Variants in ARHGAP23 observed in about 807,000 individuals in gnomAD.
ARHGAP23 encodes the protein Rho GTPase activating protein 23.
In ARHGAP23, 34 loss-of-function variants were observed where a neutral mutation model predicts 136.3. The ratio of observed to expected loss-of-function variants is 0.25; its 90% CI spans 0.19 to 0.33. The LOEUF is 0.33. Ranked by LOEUF, ARHGAP23 falls within the 10% of genes least tolerant of loss-of-function variation. ARHGAP23 has a pLI of 1.00. For synonymous variants in ARHGAP23, 832 were observed against 920.5 expected (o/e 0.90, Z 1.74); for missense variants, 1,808 against 2,139.0 (o/e 0.85, Z 3.05).
rs577808573 is a variant in ARHGAP23 at position 38,469,187 on chromosome 17, C to T, written c.1692C>T (p.Val564=). The T allele has an allele frequency of 1.2e-4, 185 of 1,551,558 alleles. No individual in the cohort carries two copies. The highest frequency in any genetic ancestry group is 1.6e-4 in the African/African-American group (12 of 73,046). ...GCATTGACCTCCAAGCCAAGCACGT[C>T]CCTGCCTCTGCTGTGGTCTCCAGTG... The part of the protein sequence containing the change: ...SPSIDLQAKH[V]PASAVVSSAM... The change falls in exon 8 of 24, where the codon GTC becomes GTT. Residue 564 remains valine, a synonymous_variant. Transcript: ENST00000622683.
In ARHGAP23 at chr17:38,490,748, T is replaced by G. The variant is rs572801561; in HGVS notation, c.3150+197T>G. 2.8e-4 allele frequency among the ~76,000 whole-genome samples: 43 copies of G among 152,294 alleles called. 1 individual carries two copies. The highest frequency in any genetic ancestry group is 8.7e-4 in the African/African-American group (36 of 41,564). ...TCCCCCAGAGAGCCATCTCCTGAGTTTCTGAGGGCTTTCCAGAGGCAGGGA... is the reference window on the plus strand; with the variant it reads ...TCCCCCAGAGAGCCATCTCCTGAGTGTCTGAGGGCTTTCCAGAGGCAGGGA... On this transcript the variant is annotated intron_variant, in intron 19 of 23. Coordinates refer to ENST00000622683, the MANE Select transcript of ARHGAP23 (RefSeq NM_001199417.2).
intron 1 of ARHGAP23, among the ~76,000 whole-genome samples, chr17:38,429,708 C>CCG: frequency 6.6e-6 from 1 of 151,218 alleles, no homozygotes; most frequent in Middle Eastern, 3.4e-3. Flanking sequence ...TCAGGATGGA[C>CCG]GGGGGGTGGG....
rs1030887761 is a variant in ARHGAP23, at chr17:38,477,149, G to C, written c.2119-430G>C. ...GGAGTCTTGGGTGGGCGGCAGGAAAGTGGGGAGAACAACCCTCTAAGAGTG... is the reference window on the plus strand; with the variant it reads ...GGAGTCTTGGGTGGGCGGCAGGAAACTGGGGAGAACAACCCTCTAAGAGTG... On this transcript the variant is annotated intron_variant, in intron 11 of 23. Transcript: ENST00000622683. The surrounding 1 kb of genome is among the most constrained non-coding windows in gnomAD (Gnocchi z 6.6). 6.6e-6 allele frequency among the ~76,000 whole-genome samples: 1 copy of C among 152,086 alleles called. No homozygotes were observed. Among genetic ancestry groups the C allele is most frequent in the Non-Finnish European group, 1.5e-5 (1 of 68,012 alleles).
intron 1 of ARHGAP23, among the ~76,000 whole-genome samples, chr17:38,438,134 A>T (rs900090178): frequency 6.6e-6 from 1 of 152,184 alleles, no homozygotes; most frequent in East Asian, 1.9e-4. Flanking sequence ...CGTCCTGGCC[A>T]ACATGGTGAA....
rs1326600724 is a variant in ARHGAP23, at chr17:38,458,278, C to T, written c.225+15C>T. On this transcript the variant is annotated intron_variant, in intron 2 of 23. Transcript: ENST00000622683. ...GCAGCCTGAAGGTATGCCCGGCTCG[C>T]CGCTGCCCTGGTCTGGGGAAGCTTT... 1 of 1,500,606 alleles carries T rather than the reference C, an allele frequency of 6.7e-7. No homozygotes were observed. Among genetic ancestry groups the T allele is most frequent in the East Asian group, 2.5e-5 (1 of 40,316 alleles). The allele number at this position is 1,500,606 out of a possible 1,614,324, so 93.0% of individuals were successfully genotyped here.
At chr17:38,462,129 T>C (rs1185079154) in intron 3 of ARHGAP23, among the ~76,000 whole-genome samples, 1 of 150,736 alleles carries the variant, frequency 6.6e-6, no homozygotes, top group East Asian at 2.0e-4. Flanking sequence ...ATTTTTTTAT[T>C]TTTTAGTAGA....
At chr17:38,499,036 A>T in intron 22 of ARHGAP23, 1 of 698,526 alleles carries the variant, frequency 1.4e-6, no homozygotes, top group South Asian at 1.5e-5. Flanking sequence ...GGCAGGCAGA[A>T]TGTCCCGGAC....
At chr17:38,490,225 C>T (rs1207624474) in intron 18 of ARHGAP23, 50 bp downstream of exon 18, 2 of 1,518,934 alleles carry the variant, frequency 1.3e-6, no homozygotes, top group Non-Finnish European at 1.8e-6. Flanking sequence ...GCTGCCTGAG[C>T]ACCTCTGTCC....
chr17:38,432,923 T>A (rs1216810917), intron 1 of ARHGAP23, among the ~76,000 whole-genome samples: 1 of 152,198 alleles, frequency 6.6e-6, no homozygotes, highest in Non-Finnish European at 1.5e-5. Flanking sequence ...TGTGTGCCCT[T>A]GGACAAGTTA....
rs1227404275 is a variant in ARHGAP23 at position 38,466,966 on chromosome 17, G to A, written c.1283G>A (p.Arg428His). The A allele has an allele frequency of 1.7e-5, 26 of 1,550,480 alleles. No individual in the cohort carries two copies. The highest frequency in any genetic ancestry group is 4.9e-5 in the East Asian group (2 of 40,910). The change falls in exon 7 of 24, where the codon CGC (arginine) becomes CAC (histidine). Residue 428 changes from arginine to histidine, a missense_variant. Transcript: ENST00000622683. ...GYRSYSPSFQRRTGLLHALSF... is the reference protein window; with the variant it reads ...GYRSYSPSFQHRTGLLHALSF... Reference sequence around the variant, plus strand: ...CGGAGCTACAGCCCATCATTCCAGCGCCGGACCGGCCTCCTCCATGCGCTC... The same window carrying A: ...CGGAGCTACAGCCCATCATTCCAGCACCGGACCGGCCTCCTCCATGCGCTC...
chr17:38,498,614 C>T (rs536338590), intron 22 of ARHGAP23, 104 bp downstream of exon 22: 71 of 988,550 alleles, frequency 7.2e-5, no homozygotes, highest in Middle Eastern at 6.6e-4. Context: ...GCCACCCCAG[C>T]GGGGCCCTCC....
At chr17:38,497,509 A>G (rs1322268254) in intron 20 of ARHGAP23, among the ~76,000 whole-genome samples, 1 of 152,180 alleles carries the variant, frequency 6.6e-6, no homozygotes. Context: ...CCCTAAGCCT[A>G]TCTCCTGTCT....
rs2040725788 is a variant in ARHGAP23 at position 38,510,257 on chromosome 17, C to T, written c.3761C>T (p.Ser1254Phe). Residue 1254 changes from serine (S) to phenylalanine (F), a missense_variant, in exon 24 of 24, where the codon TCC becomes TTC. This residue lies in a region of ARHGAP23 where 506 missense variants were observed against 455.8 expected (regional missense o/e 1.11). Transcript: ENST00000622683. The surrounding 1 kb of genome is among the most constrained non-coding windows in gnomAD (Gnocchi z 4.6). ...ATTGTGTCGGGCTACTCCACCCTGTCCACCATGGACCGCAGCGTGTGCTCG... is the reference window on the plus strand; with the variant it reads ...ATTGTGTCGGGCTACTCCACCCTGTTCACCATGGACCGCAGCGTGTGCTCG... ...RSIVSGYSTLSTMDRSVCSGA... is the reference protein window; with the variant it reads ...RSIVSGYSTLFTMDRSVCSGA... 1 of 1,318,348 alleles carries T rather than the reference C, an allele frequency of 7.6e-7. No individual in the cohort carries two copies. Among genetic ancestry groups the T allele is most frequent in the Non-Finnish European group, 9.7e-7 (1 of 1,034,572 alleles). 81.7% of individuals were successfully genotyped at this position (1,318,348 alleles called of 1,614,324 possible). A position where few individuals can be genotyped will look rare whatever the true frequency, so the allele number is the denominator to read the frequency against.
chr17:38,447,640 C>G (rs1406314806), intron 1 of ARHGAP23, among the ~76,000 whole-genome samples: 1 of 152,048 alleles, frequency 6.6e-6, no homozygotes, highest in Admixed American at 6.6e-5. Context: ...TTTTGGGAGA[C>G]CCTAGACTGA....
At position 38,500,588 on chromosome 17, in the gene ARHGAP23, C is replaced by T. The variant is rs186403765; in HGVS notation, c.3416-9C>T. 2,401 of 1,548,490 alleles carry T rather than the reference C, an allele frequency of 1.6e-3. 3 individuals are homozygous for T. The highest frequency in any genetic ancestry group is 2.0e-3 in the Non-Finnish European group (2,237 of 1,146,174). On this transcript the variant is annotated splice_polypyrimidine_tract_variant and intron_variant, in intron 22 of 23. Transcript: ENST00000622683. Reference sequence around the variant, plus strand: ...AACTTTCATTTTTTTTTCTGTCTTTCACCAACAGATTCTACCACCTGTAGT... The same window carrying T: ...AACTTTCATTTTTTTTTCTGTCTTTTACCAACAGATTCTACCACCTGTAGT...
At chr17:38,502,066 T>G (rs1057288937) in intron 23 of ARHGAP23, among the ~76,000 whole-genome samples, 6 of 152,172 alleles carry the variant, frequency 3.9e-5, no homozygotes, top group African/African-American at 1.4e-4. Flanking sequence ...CCTAGCACTT[T>G]GGGAGGCTGA....
intron 23 of ARHGAP23, chr17:38,500,988 T>C (rs2040505770): frequency 7.8e-6 from 2 of 255,834 alleles, no homozygotes; most frequent in African/African-American, 2.2e-5. Context: ...TTTCTGATCC[T>C]TAGCTTCCTC....
At position 38,511,245 on chromosome 17, in the gene ARHGAP23, G is replaced by C; in HGVS notation, c.*273G>C. The C allele has an allele frequency of 2.5e-6, 1 of 406,970 alleles. No homozygotes were observed. Among genetic ancestry groups the C allele is most frequent in the Non-Finnish European group, 4.3e-6 (1 of 231,866 alleles). The allele number at this position is 406,970 out of a possible 1,614,324, so 25.2% of individuals were successfully genotyped here. The stretch of plus-strand genomic sequence containing the variant: ...GGGGTCTGTGTCCCTGCACACATGC[G>C]CCCGATAGGTCCTTCTGAGCCTTTC... On this transcript the variant is annotated 3_prime_UTR_variant, in exon 24 of 24. Transcript: ENST00000622683.
At chr17:38,473,877 C>A (rs1448919678) in intron 11 of ARHGAP23, among the ~76,000 whole-genome samples, 3 of 151,964 alleles carry the variant, frequency 2.0e-5, no homozygotes, top group Non-Finnish European at 4.4e-5. Context: ...GAGTGTGGGG[C>A]CTTGATACCC....
Sources: allele counts gnomAD v4.1 joint callset (sites outside exome capture counted in the v4.1 genomes callset), GRCh38; gene constraint gnomAD v4.1.1; regional missense constraint gnomAD v4.1.1; non-coding constraint Gnocchi (gnomAD v3.1); transcripts MANE v1.5; gene names NCBI Gene and HGNC (gene_info 2026-07-23, HGNC 2026-07-21).